The following PGAP2 variants were observed in gnomAD, a reference collection of about 807,000 sequenced individuals.
PGAP2 encodes post-GPI attachment to proteins 2, also known as acyltransferase PGAP2.
A neutral mutation model predicts 33.2 loss-of-function variants in PGAP2; 21 were observed. That is an observed-to-expected ratio of 0.63 (90% CI 0.45 to 0.91). The LOEUF (loss-of-function observed/expected upper bound fraction) is 0.91. PGAP2 is among the 40% of genes least tolerant of loss of function. The pLI, the probability that PGAP2 is intolerant of heterozygous loss-of-function variation, is 0.00. For synonymous variants in PGAP2, 161 were observed against 172.9 expected (o/e 0.93, Z 0.54); for missense variants, 345 against 424.0 (o/e 0.81, Z 1.64).
chr11:3,801,642 A>G (rs1332711158), intron 1 of PGAP2, among the ~76,000 whole-genome samples: 1 of 18,330 alleles, frequency 5.5e-5, no homozygotes, highest in Non-Finnish European at 3.7e-4. Context: ...ACTCCATCTC[A>G]AAAAAAAAAA....
intron 1 of PGAP2, among the ~76,000 whole-genome samples, chr11:3,800,441 G>C (rs1171092463): frequency 6.6e-6 from 1 of 152,084 alleles, no homozygotes; most frequent in African/African-American, 2.4e-5. Context: ...GAGAACCCTG[G>C]TTTAAATTTG....
intron 1 of PGAP2, among the ~76,000 whole-genome samples, chr11:3,799,448 C>T (rs1291782007): frequency 6.6e-6 from 1 of 151,964 alleles, no homozygotes; most frequent in Non-Finnish European, 1.5e-5. Context: ...TGCTGAGGCA[C>T]GAGAATGGCT....
At chr11:3,823,748 G>A (rs2089436238) in intron 3 of PGAP2, 135 bp from the exon 4 acceptor site, 2 of 1,598,778 alleles carry the variant, frequency 1.3e-6, no homozygotes, top group East Asian at 4.5e-5. Context: ...GAGGTATGGG[G>A]ACATCTGAAG....
At position 3,825,053 on chromosome 11, in the gene PGAP2, T is replaced by G; in HGVS notation, c.742T>G (p.Phe248Val). ...RKSYSWKQRLFIINFISFFSA... is the reference protein window; with the variant it reads ...RKSYSWKQRLVIINFISFFSA... ...GTCCTACAGCTGGAAACAGCGGCTC[T>G]TCATCATCAACTTCATCTCCTTCTT... Residue 248 changes from phenylalanine to valine, a missense_variant, in exon 6 of 7, where the codon TTC becomes GTC. This residue lies in a region of PGAP2 where 311 missense variants were observed against 353.6 expected (regional missense o/e 0.88). Transcript: ENST00000278243. 1.2e-6 allele frequency: 2 copies of G among 1,614,186 alleles called. No homozygotes were observed. The highest frequency in any genetic ancestry group is 1.7e-6 in the Non-Finnish European group (2 of 1,180,020).
chr11:3,801,593 G>C (rs1235694452), intron 1 of PGAP2, among the ~76,000 whole-genome samples: 1 of 145,956 alleles, frequency 6.9e-6, no homozygotes, highest in East Asian at 2.0e-4. Flanking sequence ...AGTGAGCAGA[G>C]ATCGCGCCAC....
Position 3,808,623 on chromosome 11 carries a change from C to T in PGAP2, c.-39C>T. 7.6e-7 allele frequency: 1 copy of T among 1,310,374 alleles called. No homozygotes were observed. Among genetic ancestry groups the T allele is most frequent in the Non-Finnish European group, 9.7e-7 (1 of 1,028,012 alleles). The allele number at this position is 1,310,374 out of a possible 1,614,324, so 81.2% of individuals were successfully genotyped here. ...CCCGGGCCACCTGGGCCCCCGGGTT[C>T]CGCCGGCACTCTCGCCACCACCGCG... On this transcript the variant is annotated 5_prime_UTR_variant, in exon 1 of 7. Coordinates refer to ENST00000278243, the MANE Select transcript of PGAP2 (RefSeq NM_014489.4).
At position 3,797,964 on chromosome 11, in the gene PGAP2, A is replaced by G. The variant is rs757468946; in HGVS notation, c.121A>G (p.Thr41Ala). 1.3e-5 allele frequency: 20 copies of G among 1,547,402 alleles called. No homozygotes were observed. Among genetic ancestry groups the G allele is most frequent in the Non-Finnish European group, 1.7e-5 (19 of 1,145,058 alleles). ...GAGGGAGCTCGGGCCAATCAGAGGG[A>G]CGGCCCCAGAATGGCATGGTAACTA... The change falls in exon 1 of 7, where the codon ACG (threonine) becomes GCG (alanine). Residue 41 changes from threonine (T) to alanine (A), a missense_variant. Coordinates refer to the PGAP2 transcript ENST00000300730.
chr11:3,802,047 CT>C (rs1048296611), intron 1 of PGAP2, among the ~76,000 whole-genome samples: 11 of 145,420 alleles, frequency 7.6e-5, no homozygotes, highest in Non-Finnish European at 1.7e-4. Context: ...TCAGAAATGT[CT>C]TTTTTTCTTT....
At chr11:3,801,400 T>C (rs1156806069) in intron 1 of PGAP2, among the ~76,000 whole-genome samples, 2 of 152,048 alleles carry the variant, frequency 1.3e-5, no homozygotes, top group Non-Finnish European at 2.9e-5. Context: ...CCCAGCACTT[T>C]GGGAGGCCGA....
chr11:3,799,525 A>G (rs1271795597), intron 1 of PGAP2, among the ~76,000 whole-genome samples: 1 of 152,202 alleles, frequency 6.6e-6, no homozygotes, highest in East Asian at 1.9e-4. Context: ...TGATCTCAAA[A>G]AAAATTTTTA....
chr11:3,799,535 A>T (rs147188860), intron 1 of PGAP2, among the ~76,000 whole-genome samples: 247 of 152,292 alleles, frequency 1.6e-3, no homozygotes, highest in African/African-American at 5.3e-3. Flanking sequence ...AAAAATTTTT[A>T]AAAAACCTCC....
upstream of PGAP2, among the ~76,000 whole-genome samples, chr11:3,807,402 G>T (rs752276449): frequency 1.2e-3 from 185 of 148,866 alleles, 2 homozygotes; most frequent in Non-Finnish European, 5.7e-4. Flanking sequence ...CTGCCTCCCG[G>T]GTTCAAGCGA....
upstream of PGAP2, among the ~76,000 whole-genome samples, chr11:3,807,667 T>C (rs192012077): frequency 9.7e-4 from 148 of 152,234 alleles, no homozygotes; most frequent in African/African-American, 3.4e-3. Flanking sequence ...GCCTGGGATA[T>C]ACTGGGTGTT....
At chr11:3,820,466 C>A (rs2088286240) in intron 3 of PGAP2, among the ~76,000 whole-genome samples, 1 of 152,118 alleles carries the variant, frequency 6.6e-6, no homozygotes, top group Admixed American at 6.5e-5. Context: ...GTCAGGAGTT[C>A]AAGACCAGCC....
At chr11:3,798,724 A>G (rs1391407261) in intron 1 of PGAP2, among the ~76,000 whole-genome samples, 2 of 149,664 alleles carry the variant, frequency 1.3e-5, no homozygotes, top group African/African-American at 2.5e-5. Context: ...GCTCACTGCA[A>G]TCTCCGCCTC....
chr11:3,815,199 C>G (rs954146968), intron 2 of PGAP2, among the ~76,000 whole-genome samples: 1 of 152,116 alleles, frequency 6.6e-6, no homozygotes, highest in Non-Finnish European at 1.5e-5. Context: ...CGGTGAGTCT[C>G]TGCCTTGGCC....
intron 1 of PGAP2, among the ~76,000 whole-genome samples, chr11:3,800,084 G>A (rs1196930300): frequency 6.6e-6 from 1 of 152,112 alleles, no homozygotes; most frequent in Non-Finnish European, 1.5e-5. Context: ...ATATATGGTT[G>A]GCCAAATAGT....
intron 3 of PGAP2, 127 bp downstream of exon 3, chr11:3,817,662 G>A (rs772015517): frequency 1.3e-6 from 1 of 796,442 alleles, no homozygotes; most frequent in Non-Finnish European, 2.2e-6. Context: ...TGGGGGAAGG[G>A]TAGGTAAGTC....
At chr11:3,812,669 T>C (rs899336193) in intron 2 of PGAP2, among the ~76,000 whole-genome samples, 1 of 152,212 alleles carries the variant, frequency 6.6e-6, no homozygotes, top group Non-Finnish European at 1.5e-5. Flanking sequence ...CTCAGAGTTC[T>C]GAAGGCCCCA....
Sources: gnomAD v4.1 joint callset for allele counts (sites outside exome capture counted in the v4.1 genomes callset) on GRCh38, gnomAD v4.1.1 for gene constraint, gnomAD v4.1.1 regional missense constraint, MANE v1.5 for transcripts, NCBI Gene and HGNC (gene_info 2026-07-23, HGNC 2026-07-21) for gene names.